VWA3A: variants seen among roughly 807,000 people sequenced by gnomAD.
VWA3A encodes the protein von Willebrand factor A domain-containing protein 3A.
A neutral mutation model predicts 160.4 loss-of-function variants in VWA3A; 134 were observed. That is an observed-to-expected ratio of 0.84 (90% confidence interval 0.73 to 0.96). The LOEUF (loss-of-function observed/expected upper bound fraction) is 0.96, where lower values mean the gene tolerates loss of function less well. VWA3A is among the 40% of genes least tolerant of loss of function. The pLI, the probability that VWA3A is intolerant of heterozygous loss-of-function variation, is 0.00. For missense variants in VWA3A, 1,310 were observed against 1,447.9 expected, an observed-to-expected ratio of 0.90 and a Z score of 1.55; for synonymous variants, 476 against 543.4, an observed-to-expected ratio of 0.88 and a Z score of 1.72.
chr16:22,151,551 A>AT (rs35929527), intron 30 of VWA3A, among the ~76,000 whole-genome samples: 12 of 151,640 alleles, frequency 7.9e-5, no homozygotes, highest in South Asian at 4.2e-4. Context: ...TGTCATGGTT[A>AT]TTTTTTTTTA....
chr16:22,101,698 C>A (rs1165366223), intron 5 of VWA3A, among the ~76,000 whole-genome samples: 1 of 152,196 alleles, frequency 6.6e-6, no homozygotes, highest in Non-Finnish European at 1.5e-5. Context: ...CATGGAATGA[C>A]CAGTTGCTCA....
At chr16:22,134,493 G>C in intron 21 of VWA3A, 55 bp downstream of exon 21, 1 of 1,459,150 alleles carries the variant, frequency 6.9e-7, no homozygotes, top group East Asian at 2.5e-5. Flanking sequence ...CATTTCCTGG[G>C]GCTACCATAA....
intron 20 of VWA3A, among the ~76,000 whole-genome samples, chr16:22,133,859 A>T (rs1429049140): frequency 6.6e-6 from 1 of 152,118 alleles, no homozygotes; most frequent in Non-Finnish European, 1.5e-5. Flanking sequence ...TTAGAATGTC[A>T]TAGAATGTCA....
chr16:22,153,307 C>T (rs1307494232), intron 31 of VWA3A, among the ~76,000 whole-genome samples: 1 of 152,206 alleles, frequency 6.6e-6, no homozygotes, highest in African/African-American at 2.4e-5. Flanking sequence ...TGCGCCACTG[C>T]ACTTCAGCCT....
chr16:22,098,221 G>C (rs1016224115), intron 3 of VWA3A, among the ~76,000 whole-genome samples: 28 of 152,182 alleles, frequency 1.8e-4, no homozygotes, highest in Admixed American at 1.6e-3. Flanking sequence ...GTTCAAGCAA[G>C]GCTAGTGCAC....
At chr16:22,112,487 G>C (rs2045567251) in intron 8 of VWA3A, among the ~76,000 whole-genome samples, 1 of 152,204 alleles carries the variant, frequency 6.6e-6, no homozygotes, top group Admixed American at 6.5e-5. Flanking sequence ...GGGAGGCCAA[G>C]GTGGGAGGAT....
At position 22,100,466 on chromosome 16, in the gene VWA3A, TC is replaced by T. The variant is rs1317861338; in HGVS notation, c.403del (p.Arg135AlafsTer41). On this transcript the variant is annotated frameshift_variant, in exon 5 of 34. Transcript: ENST00000389398. LOFTEE classifies it high-confidence loss of function. Reference protein sequence around the residue: ...VQKICFSTQIIRHFESKLSDT... With the variant: ...VQKICFSTQIXRHFESKLSDT... ...AAAATATGTTTCTCCACCCAGATCA[TC>T]CGCCATTTTGAGTCAAAGCTTTCTG... The T allele has an allele frequency of 7.7e-6, 12 of 1,551,550 alleles. No homozygotes were observed. Among genetic ancestry groups the T allele is most frequent in the African/African-American group, 1.4e-5 (1 of 73,026 alleles).
chr16:22,109,680 T>C (rs1157282854), intron 7 of VWA3A, 100 bp downstream of exon 7: 5 of 954,774 alleles, frequency 5.2e-6, no homozygotes, highest in East Asian at 2.4e-5. Context: ...AAATGCAAGA[T>C]AGGGTGTCTT....
Position 22,117,169 on chromosome 16 carries a change from AG to A in VWA3A, c.984del (p.Met329TrpfsTer55). The A allele has an allele frequency of 6.3e-7, 1 of 1,578,950 alleles. No homozygotes were observed. The highest frequency in any genetic ancestry group is 8.6e-7 in the Non-Finnish European group (1 of 1,162,052). On this transcript the variant is annotated frameshift_variant, in exon 11 of 34. Coordinates refer to ENST00000389398, the MANE Select transcript of VWA3A (RefSeq NM_173615.5). LOFTEE classifies it high-confidence loss of function. ...VRGYYHCYSP[K>X]MEHYTSRDMD... is the part of the protein sequence containing the mutation. ...GGCTACTACCACTGCTACAGCCCAA[AG>A]ATGGAGGTAAGCCCTTCTGTCAACA...
chr16:22,119,065 A>C (rs2141903968), intron 12 of VWA3A, 38 bp downstream of exon 12: 1 of 1,565,624 alleles, frequency 6.4e-7, no homozygotes, highest in East Asian at 2.4e-5. Flanking sequence ...GCCTTCTCCC[A>C]GCAGCACTCA....
In VWA3A at chr16:22,118,020, C is replaced by T. The variant is rs190988057; in HGVS notation, c.990+844C>T. 1.3e-4 allele frequency among the ~76,000 whole-genome samples: 20 copies of T among 152,276 alleles called. 1 individual carries two copies. Among genetic ancestry groups the T allele is most frequent in the Non-Finnish European group, 2.9e-5 (2 of 68,024 alleles). Reference sequence around the variant, plus strand: ...GCTTGACCAGGCATGGTGGCTCATGCCTGTAATCCTAGTGCTTTGGAAGGC... The same window carrying T: ...GCTTGACCAGGCATGGTGGCTCATGTCTGTAATCCTAGTGCTTTGGAAGGC... On this transcript the variant is annotated intron_variant, in intron 11 of 33. Transcript: ENST00000389398.
chr16:22,153,986 G>T (rs775743704), intron 31 of VWA3A, among the ~76,000 whole-genome samples: 4 of 151,994 alleles, frequency 2.6e-5, no homozygotes, highest in Admixed American at 2.6e-4. Context: ...TAATCCTCCC[G>T]CCTGAGCTTC....
chr16:22,133,502 G>A (rs2045985312), intron 20 of VWA3A, among the ~76,000 whole-genome samples: 1 of 152,006 alleles, frequency 6.6e-6, no homozygotes. Context: ...AAAAAAATTA[G>A]CCGGGTGTGA....
intron 6 of VWA3A, among the ~76,000 whole-genome samples, chr16:22,107,553 G>A (rs2045498659): frequency 2.0e-5 from 3 of 152,060 alleles, no homozygotes; most frequent in African/African-American, 7.2e-5. Context: ...ACCAGCCTGG[G>A]CAATGCAGTA....
chr16:22,136,606 T>C (rs2046044798), intron 21 of VWA3A, among the ~76,000 whole-genome samples: 2 of 152,048 alleles, frequency 1.3e-5, no homozygotes, highest in Non-Finnish European at 2.9e-5. Context: ...CCAGACTGGA[T>C]TGTGGACTCC....
chr16:22,100,964 C>CAA (rs59096934), intron 5 of VWA3A, among the ~76,000 whole-genome samples: 21 of 60,734 alleles, frequency 3.5e-4, no homozygotes, highest in East Asian at 2.9e-3. Context: ...GACCCTGTCT[C>CAA]AAAAAAAAAA....
At position 22,106,302 on chromosome 16, in the gene VWA3A, T is replaced by C. The variant is rs183954943; in HGVS notation, c.483+2773T>C. Among the ~76,000 whole-genome samples the C allele has an allele frequency of 5.2e-3, 792 of 152,110 alleles. 25 individuals are homozygous for C. The highest frequency in any genetic ancestry group is 1.4e-3 in the Non-Finnish European group (94 of 67,992). On this transcript the variant is annotated intron_variant, in intron 6 of 33. Transcript: ENST00000389398. ...AGAGAGGCTGAAGCAGAAGAATTGC[T>C]TGAACCCAGGAGGCAGAGGTTGCAG...
Position 22,140,138 on chromosome 16 carries a change from A to G in VWA3A, c.2293-16A>G. 6.2e-7 allele frequency: 1 copy of G among 1,611,314 alleles called. No homozygotes were observed. The highest frequency in any genetic ancestry group is 8.5e-7 in the Non-Finnish European group (1 of 1,178,232). Reference sequence around the variant, plus strand: ...AGGGAACACTCCTCTGATGGGAAAGATTGCCTGTTTTCTAGAGCATTAAAG... The same window carrying G: ...AGGGAACACTCCTCTGATGGGAAAGGTTGCCTGTTTTCTAGAGCATTAAAG... On this transcript the variant is annotated splice_polypyrimidine_tract_variant and intron_variant, in intron 22 of 33. Transcript: ENST00000389398.
chr16:22,139,605 G>C (rs977393028), intron 22 of VWA3A, among the ~76,000 whole-genome samples: 3 of 152,144 alleles, frequency 2.0e-5, no homozygotes, highest in Non-Finnish European at 4.4e-5. Context: ...GAGACAGGGA[G>C]AATTGCTTGA....
Sources: allele counts gnomAD v4.1 joint callset (sites outside exome capture counted in the v4.1 genomes callset), GRCh38; gene constraint gnomAD v4.1.1; transcripts MANE v1.5; gene names NCBI Gene and HGNC (gene_info 2026-07-23, HGNC 2026-07-21).